The following PRKN variants were observed in gnomAD, a reference collection of about 807,000 sequenced individuals.
PRKN encodes E3 ubiquitin-protein ligase parkin.
In PRKN, 56 loss-of-function variants were observed where a neutral mutation model predicts 59.5. The observed-to-expected ratio is 0.94, with a 90% CI of 0.76 to 1.18. PRKN has a LOEUF of 1.18. Ranked by LOEUF, PRKN falls within the 50% of genes most tolerant of loss-of-function variation. PRKN has a pLI of 0.00. For missense variants in PRKN, 657 were observed against 596.4 expected (o/e 1.10, Z -1.06); for synonymous variants, 250 against 222.1 (o/e 1.13, Z -1.12).
intron 1 of PRKN, among the ~76,000 whole-genome samples, chr6:162,639,704 CT>C (rs2128224228): frequency 6.6e-6 from 1 of 152,186 alleles, no homozygotes; most frequent in East Asian, 1.9e-4. Flanking sequence ...TTTCAGAAAA[CT>C]TTTCTGATAT....
At chr6:162,359,075 A>AT (rs201414794) in intron 2 of PRKN, among the ~76,000 whole-genome samples, 8,760 of 99,128 alleles carry the variant, frequency 0.088, 295 homozygotes, top group African/African-American at 0.16. Context: ...AAAAAAAAAA[A>AT]AAAAATATAT....
chr6:162,359,079 A>AAAAAAAATATATATATATATAT (rs57265104), intron 2 of PRKN, among the ~76,000 whole-genome samples: 2 of 83,268 alleles, frequency 2.4e-5, no homozygotes, highest in African/African-American at 1.5e-4. Flanking sequence ...AAAAAAAAAA[A>AAAAAAAATATATATATATATAT]ATATATATAT....
At chr6:162,019,856 T>C (rs1783067469) in intron 5 of PRKN, among the ~76,000 whole-genome samples, 1 of 151,996 alleles carries the variant, frequency 6.6e-6, no homozygotes. Context: ...CTGTCTCTAC[T>C]AAAAATACAA....
chr6:162,010,611 A>T lies in PRKN; in HGVS notation c.619-37194T>A, dbSNP rs1230114335. The stretch of plus-strand genomic sequence containing the variant: ...ATATATAATATAATATATATTATAT[A>T]ATATATTATATTATATATAATATAT... On this transcript the variant is annotated intron_variant, in intron 5 of 11. Transcript: ENST00000366898. Among the ~76,000 whole-genome samples the T allele has an allele frequency of 3.9e-4, 3 of 7,600 alleles. 1 individual carries two copies. Among genetic ancestry groups the T allele is most frequent in the Non-Finnish European group, 5.1e-4 (3 of 5,864 alleles). The allele number at this position is 7,600 out of a possible 152,430, so 5.0% of individuals were successfully genotyped here.
chr6:162,409,044 T>C (rs553789787), intron 2 of PRKN, among the ~76,000 whole-genome samples: 59 of 151,614 alleles, frequency 3.9e-4, no homozygotes, highest in African/African-American at 1.4e-3. Context: ...ACAGGCTCCC[T>C]GGGTTTCTTT....
Position 162,450,381 on chromosome 6 carries a change from C to CCCCCTGTGAATGTAAACG in PRKN, c.8-6926_8-6909dup, listed in dbSNP as rs1554327125. ...ATGTAAACGCCCCTGTGATTGTAAT[C>CCCCCTGTGAATGTAAACG]CCCCTGTGAATGTAAACGCCCCTAT... On this transcript the variant is annotated intron_variant, in intron 1 of 11. Transcript: ENST00000366898. Among the ~76,000 whole-genome samples the CCCCCTGTGAATGTAAACG allele has an allele frequency of 2.8e-3, 272 of 96,538 alleles. 3 individuals are homozygous for CCCCCTGTGAATGTAAACG. The highest frequency in any genetic ancestry group is 9.0e-3 in the African/African-American group (256 of 28,570). 63.3% of individuals were successfully genotyped at this position (96,538 alleles called of 152,430 possible).
At chr6:162,295,731 T>C (rs905952827) in intron 2 of PRKN, among the ~76,000 whole-genome samples, 4 of 152,160 alleles carry the variant, frequency 2.6e-5, no homozygotes, top group Non-Finnish European at 5.9e-5. Flanking sequence ...ACTAACTTCA[T>C]AATTCTAGAG....
chr6:162,469,509 T>TACACAC lies in PRKN; in HGVS notation c.8-26042_8-26037dup, dbSNP rs74725154. 6.3e-3 allele frequency among the ~76,000 whole-genome samples: 942 copies of TACACAC among 149,024 alleles called. 10 individuals are homozygous for TACACAC. Among genetic ancestry groups the TACACAC allele is most frequent in the African/African-American group, 0.019 (768 of 40,506 alleles). On this transcript the variant is annotated intron_variant, in intron 1 of 11. Transcript: ENST00000366898. Reference sequence around the variant, plus strand: ...ACTGTGGTATGTGTGTGTGTGTGTATACACACACACACACACACACATACA... The same window carrying TACACAC: ...ACTGTGGTATGTGTGTGTGTGTGTATACACACACACACACACACACACACACATACA...
chr6:161,661,126 C>G (rs1784528505), intron 7 of PRKN, among the ~76,000 whole-genome samples: 1 of 152,192 alleles, frequency 6.6e-6, no homozygotes, highest in South Asian at 2.1e-4. Context: ...ATCTTCACTC[C>G]AGCTACAGAA....
chr6:162,292,623 T>C (rs553794201), intron 2 of PRKN, among the ~76,000 whole-genome samples: 1 of 152,076 alleles, frequency 6.6e-6, no homozygotes, highest in Non-Finnish European at 1.5e-5. Flanking sequence ...CTAGAGCCCA[T>C]AAGAAGATAA....
intron 1 of PRKN, among the ~76,000 whole-genome samples, chr6:162,700,240 T>C (rs1778104642): frequency 1.3e-5 from 2 of 152,174 alleles, no homozygotes; most frequent in Non-Finnish European, 2.9e-5. Flanking sequence ...TTAATCTGCT[T>C]ATTGTCAGTT....
chr6:161,818,075 C>T (rs180781840), intron 6 of PRKN, among the ~76,000 whole-genome samples: 153 of 152,224 alleles, frequency 1.0e-3, no homozygotes, highest in African/African-American at 3.5e-3. Context: ...ATTACTCTGA[C>T]GGCACACAGC....
intron 6 of PRKN, among the ~76,000 whole-genome samples, chr6:161,819,060 A>G (rs1791911418): frequency 6.6e-6 from 1 of 152,228 alleles, no homozygotes; most frequent in Non-Finnish European, 1.5e-5. Flanking sequence ...TTGCATTCAA[A>G]CATTATACTC....
chr6:162,070,181 CA>C (rs2128290399), intron 4 of PRKN, among the ~76,000 whole-genome samples: 1 of 152,314 alleles, frequency 6.6e-6, no homozygotes, highest in East Asian at 1.9e-4. Flanking sequence ...ACCCTGGCCC[CA>C]AGCCCAAGTA....
intron 1 of PRKN, among the ~76,000 whole-genome samples, chr6:162,550,685 G>A (rs1779301273): frequency 6.6e-6 from 1 of 152,074 alleles, no homozygotes; most frequent in South Asian, 2.1e-4. Context: ...GCATATGTTA[G>A]GTTTTAAACA....
chr6:162,035,439 T>C (rs571778141), intron 5 of PRKN, among the ~76,000 whole-genome samples: 13 of 152,210 alleles, frequency 8.5e-5, no homozygotes, highest in African/African-American at 2.9e-4. Context: ...AAATGAGATA[T>C]AACTTGCCAT....
intron 5 of PRKN, among the ~76,000 whole-genome samples, chr6:161,986,765 T>C (rs1562439562): frequency 7.2e-6 from 1 of 139,710 alleles, no homozygotes; most frequent in Non-Finnish European, 1.5e-5. Context: ...CCCCACTCCC[T>C]GGACCAAGTG....
In PRKN at chr6:161,488,824, G is replaced by C. The variant is rs1777436398; in HGVS notation, c.1083+60030C>G. Among the ~76,000 whole-genome samples, 1 of 152,174 alleles carries C rather than the reference G, an allele frequency of 6.6e-6. No individual in the cohort carries two copies. Among genetic ancestry groups the C allele is most frequent in the African/African-American group, 2.4e-5 (1 of 41,434 alleles). On this transcript the variant is annotated intron_variant, in intron 9 of 11. Transcript: ENST00000366898. This position sits in a 1 kb window ranked among gnomAD's most constrained non-coding sequence, Gnocchi z 4.5. ...TGACAGTGAATCTTGACTACTAAGAGACTAGGGGACCATGAAAGAAAACAG... is the reference window on the plus strand; with the variant it reads ...TGACAGTGAATCTTGACTACTAAGACACTAGGGGACCATGAAAGAAAACAG...
intron 1 of PRKN, among the ~76,000 whole-genome samples, chr6:162,667,242 A>T (rs1779137015): frequency 6.6e-6 from 1 of 152,074 alleles, no homozygotes; most frequent in Non-Finnish European, 1.5e-5. Context: ...TCTTAGTTTA[A>T]TATTAAAAAC....
Sources: gnomAD v4.1 joint callset for allele counts (sites outside exome capture counted in the v4.1 genomes callset) on GRCh38, gnomAD v4.1.1 for gene constraint, Gnocchi (gnomAD v3.1) non-coding constraint, MANE v1.5 for transcripts, NCBI Gene and HGNC (gene_info 2026-07-23, HGNC 2026-07-21) for gene names.